CPED1: variants seen among roughly 807,000 people sequenced by gnomAD.
CPED1 encodes the protein cadherin like and PC-esterase domain containing 1.
In CPED1, 114 loss-of-function variants were observed where a neutral mutation model predicts 128.2. The ratio of observed to expected loss-of-function variants is 0.89; its 90% CI spans 0.76 to 1.04. The LOEUF is 1.04. Among genes scored for constraint, CPED1 ranks in the 50% least tolerant of loss-of-function variants. The pLI, the probability that CPED1 is intolerant of heterozygous loss-of-function variation, is 0.00. For synonymous variants in CPED1, 462 were observed against 426.7 expected (o/e 1.08, Z -1.02); for missense variants, 1,211 against 1,207.1 (o/e 1.00, Z -0.05).
rs142954414 is a variant in CPED1 at position 121,129,091 on chromosome 7, T to G, written c.1407+605T>G. The stretch of plus-strand genomic sequence containing the variant: ...GATAATTTATTGAGTGTGAAATGCA[T>G]GTTTAATACTTGTTTTCTTTCCAGT... On this transcript the variant is annotated intron_variant, in intron 11 of 22. Transcript: ENST00000310396. Among the ~76,000 whole-genome samples, 1,013 of 151,696 alleles carry G rather than the reference T, an allele frequency of 6.7e-3. 9 individuals carry two copies. Among genetic ancestry groups the G allele is most frequent in the African/African-American group, 0.023 (940 of 41,496 alleles).
chr7:121,253,283 AG>A (rs1184255354), intron 18 of CPED1, among the ~76,000 whole-genome samples: 17 of 127,586 alleles, frequency 1.3e-4, no homozygotes, highest in African/African-American at 4.9e-4. Context: ...GGACACAGGA[AG>A]GGGAACATCA....
chr7:121,183,737 A>G (rs1009989338), intron 16 of CPED1, among the ~76,000 whole-genome samples: 1 of 152,194 alleles, frequency 6.6e-6, no homozygotes, highest in African/African-American at 2.4e-5. Flanking sequence ...TTTGCTTTCA[A>G]TGCTGGTTTA....
chr7:121,005,664 C>T (rs377175409), intron 2 of CPED1, among the ~76,000 whole-genome samples: 26 of 151,964 alleles, frequency 1.7e-4, no homozygotes, highest in South Asian at 4.2e-4. Flanking sequence ...AATTTAGAAA[C>T]GAACAAACAA....
intron 16 of CPED1, chr7:121,149,691 G>A (rs1413806726): frequency 6.6e-6 from 1 of 152,146 alleles, no homozygotes. Context: ...TCAAGTTTAT[G>A]TTTTGACATT....
At chr7:121,160,798 C>T (rs1330734387) in intron 16 of CPED1, among the ~76,000 whole-genome samples, 1 of 152,084 alleles carries the variant, frequency 6.6e-6, no homozygotes, top group Non-Finnish European at 1.5e-5. Flanking sequence ...GTAGGCTTCT[C>T]AGGGACCCAG....
intron 3 of CPED1, among the ~76,000 whole-genome samples, chr7:121,030,810 G>A (rs962072159): frequency 6.6e-6 from 1 of 152,146 alleles, no homozygotes; most frequent in East Asian, 1.9e-4. Flanking sequence ...ATCCACTTGA[G>A]GGGGGAGGTC....
intron 7 of CPED1, among the ~76,000 whole-genome samples, chr7:121,120,630 A>G (rs957438434): frequency 2.0e-5 from 3 of 152,158 alleles, no homozygotes; most frequent in African/African-American, 4.8e-5. Context: ...AAACCCTAAT[A>G]TTAGTAAATC....
chr7:121,202,479 A>G (rs1251193947), intron 16 of CPED1, among the ~76,000 whole-genome samples: 3 of 152,176 alleles, frequency 2.0e-5, no homozygotes, highest in East Asian at 1.9e-4. Context: ...GTAGTCTTCT[A>G]TCTAGAAATT....
At chr7:121,059,130 C>T (rs1793584479) in intron 4 of CPED1, among the ~76,000 whole-genome samples, 1 of 152,126 alleles carries the variant, frequency 6.6e-6, no homozygotes, top group African/African-American at 2.4e-5. Flanking sequence ...TATCTCACCG[C>T]AAGTAGACAG....
chr7:121,185,561 G>T (rs533469718), intron 16 of CPED1, among the ~76,000 whole-genome samples: 1 of 152,152 alleles, frequency 6.6e-6, no homozygotes, highest in African/African-American at 2.4e-5. Context: ...ATTTTAAGCT[G>T]TGGAATCAAT....
chr7:121,110,631 G>A (rs140518822), intron 7 of CPED1, among the ~76,000 whole-genome samples: 94 of 152,302 alleles, frequency 6.2e-4, no homozygotes, highest in African/African-American at 2.1e-3. Context: ...TGAACACAGG[G>A]TGAGTGGTAG....
rs1792804518 is a variant in CPED1, at chr7:121,295,525, A to G, written c.2954A>G (p.Asn985Ser). 2 of 1,613,986 alleles carry G rather than the reference A, an allele frequency of 1.2e-6. No homozygotes were observed. Among genetic ancestry groups the G allele is most frequent in the Admixed American group, 1.7e-5 (1 of 60,006 alleles). ...CATATCATGGGAAGATATTTCAGCA[A>G]TCAAAGCAAACTACAACAAGGCACT... is the stretch of plus-strand genomic sequence containing the variant. The part of the protein sequence containing the change: ...RNHIMGRYFS[N>S]QSKLQQGTVT... Residue 985 changes from asparagine (N) to serine (S), a missense_variant, in exon 23 of 23, where the codon AAT (asparagine) becomes AGT (serine). Asn to Ser is a conservative substitution (Grantham distance 46). Coordinates refer to ENST00000310396, the MANE Select transcript of CPED1 (RefSeq NM_024913.5).
chr7:121,179,768 C>T (rs1796860533), intron 16 of CPED1, among the ~76,000 whole-genome samples: 1 of 151,848 alleles, frequency 6.6e-6, no homozygotes, highest in Admixed American at 6.6e-5. Flanking sequence ...TTAGCCTTGC[C>T]CCAAAGTAGT....
intron 5 of CPED1, among the ~76,000 whole-genome samples, chr7:121,068,941 C>CAAAAGAGG (rs1430947305): frequency 6.6e-6 from 1 of 152,044 alleles, no homozygotes; most frequent in Non-Finnish European, 1.5e-5. Context: ...GTTTGCATTT[C>CAAAAGAGG]AAAAGAGGAA....
chr7:121,026,637 G>T (rs190956229), intron 3 of CPED1, among the ~76,000 whole-genome samples: 1 of 149,990 alleles, frequency 6.7e-6, no homozygotes, highest in East Asian at 2.0e-4. Context: ...GAATTTTGGG[G>T]GAGGGAGACA....
chr7:121,254,861 C>T (rs1346966853), intron 18 of CPED1, among the ~76,000 whole-genome samples: 1 of 150,054 alleles, frequency 6.7e-6, no homozygotes. Context: ...AGGAAGAGAT[C>T]AAAATTTTGA....
intron 5 of CPED1, among the ~76,000 whole-genome samples, chr7:121,091,716 T>C (rs906287777): frequency 6.6e-6 from 1 of 152,180 alleles, no homozygotes; most frequent in African/African-American, 2.4e-5. Flanking sequence ...TTACTATTCT[T>C]ATTATTCTAA....
intron 16 of CPED1, among the ~76,000 whole-genome samples, chr7:121,177,065 G>C (rs6972481): frequency 0.52 from 78,429 of 151,840 alleles, 20,581 homozygotes; most frequent in East Asian, 0.81. Context: ...CAGTAGCGTA[G>C]ATTTTGGTAT....
intron 5 of CPED1, among the ~76,000 whole-genome samples, chr7:121,075,893 T>G (rs1311883390): frequency 6.6e-6 from 1 of 152,166 alleles, no homozygotes; most frequent in Non-Finnish European, 1.5e-5. Flanking sequence ...ATTTCCAAAA[T>G]TTTTCCCAAT....
Sources: gnomAD v4.1 joint callset for allele counts (sites outside exome capture counted in the v4.1 genomes callset) on GRCh38, gnomAD v4.1.1 for gene constraint, MANE v1.5 for transcripts, NCBI Gene and HGNC (gene_info 2026-07-23, HGNC 2026-07-21) for gene names.